The following NDUFAF2 variants were observed in gnomAD, a reference collection of about 807,000 sequenced individuals.
The protein encoded by NDUFAF2 is NADH dehydrogenase [ubiquinone] 1 alpha subcomplex assembly factor 2.
In NDUFAF2, 13 loss-of-function variants were observed where a neutral mutation model predicts 22.8. The observed-to-expected ratio is 0.57, with a 90% confidence interval of 0.37 to 0.91. The LOEUF is 0.91. Ranked by LOEUF, NDUFAF2 falls within the 40% of genes least tolerant of loss-of-function variation. The pLI is 0.01. For missense variants in NDUFAF2, 162 were observed against 195.2 expected (o/e 0.83, Z 1.01); for synonymous variants, 53 against 64.2 (o/e 0.83, Z 0.84).
At chr5:61,047,135 A>G (rs1751963557) in intron 1 of NDUFAF2, among the ~76,000 whole-genome samples, 1 of 151,848 alleles carries the variant, frequency 6.6e-6, no homozygotes, top group African/African-American at 2.4e-5. Context: ...TTCTGTGGTC[A>G]AAACCTGACT....
chr5:60,986,590 A>G (rs1264822208), intron 1 of NDUFAF2, among the ~76,000 whole-genome samples: 2 of 152,222 alleles, frequency 1.3e-5, no homozygotes, highest in East Asian at 3.9e-4. Flanking sequence ...AGCTAGCAGA[A>G]GACAAAAAAA....
At chr5:60,971,477 CAG>C (rs1750829059) in intron 1 of NDUFAF2, among the ~76,000 whole-genome samples, 1 of 151,816 alleles carries the variant, frequency 6.6e-6, no homozygotes, top group Non-Finnish European at 1.5e-5. Flanking sequence ...TTAGTAGAAA[CAG>C]GGTTTCACCG....
intron 1 of NDUFAF2, among the ~76,000 whole-genome samples, chr5:60,992,437 G>A (rs1751172983): frequency 6.6e-6 from 1 of 151,932 alleles, no homozygotes; most frequent in Admixed American, 6.6e-5. Flanking sequence ...CATAGCTTGA[G>A]GTTTAGATGT....
intron 3 of NDUFAF2, among the ~76,000 whole-genome samples, chr5:61,145,402 ATAAT>A (rs756522920): frequency 2.5e-4 from 38 of 152,232 alleles, no homozygotes; most frequent in Non-Finnish European, 3.8e-4. Flanking sequence ...ACAAACAATG[ATAAT>A]TTATATTAAA....
rs529146983 is a variant in NDUFAF2, at chr5:61,024,348, C to T, written c.128-48777C>T. ...CTAATAAATATTCAGTAAATGTTTT[C>T]TAAGTGAAAATAAGTCAAATGTTTA... On this transcript the variant is annotated intron_variant, in intron 1 of 3. Transcript: ENST00000296597. Among the ~76,000 whole-genome samples, 255 of 151,976 alleles carry T rather than the reference C, an allele frequency of 1.7e-3. 2 individuals are homozygous for T. The highest frequency in any genetic ancestry group is 6.0e-3 in the African/African-American group (247 of 41,470).
At chr5:61,011,287 C>T (rs1171547395) in intron 1 of NDUFAF2, among the ~76,000 whole-genome samples, 1 of 152,098 alleles carries the variant, frequency 6.6e-6, no homozygotes, top group African/African-American at 2.4e-5. Flanking sequence ...ACTCATGCCT[C>T]CAGCTTCCCT....
chr5:61,005,895 T>G (rs1391053624), intron 1 of NDUFAF2, among the ~76,000 whole-genome samples: 2 of 152,194 alleles, frequency 1.3e-5, no homozygotes, highest in African/African-American at 4.8e-5. Flanking sequence ...GTAGGTTGCC[T>G]GTTCACTCTG....
chr5:61,102,463 T>A (rs1752715337), intron 3 of NDUFAF2, among the ~76,000 whole-genome samples: 2 of 152,102 alleles, frequency 1.3e-5, no homozygotes, highest in Non-Finnish European at 2.9e-5. Context: ...TGGAATAACT[T>A]AATATCCATA....
At chr5:61,054,862 C>G (rs1752068117) in intron 1 of NDUFAF2, among the ~76,000 whole-genome samples, 1 of 152,116 alleles carries the variant, frequency 6.6e-6, no homozygotes, top group Non-Finnish European at 1.5e-5. Flanking sequence ...AAGTTTATGA[C>G]TGGAGCTCAT....
At chr5:61,150,259 T>C (rs756047594) in intron 3 of NDUFAF2, among the ~76,000 whole-genome samples, 4 of 152,168 alleles carry the variant, frequency 2.6e-5, no homozygotes, top group African/African-American at 9.7e-5. Flanking sequence ...TACAAGACCG[T>C]ATTTCCTTTC....
At chr5:60,956,588 A>G (rs903840839) in intron 1 of NDUFAF2, among the ~76,000 whole-genome samples, 2 of 152,166 alleles carry the variant, frequency 1.3e-5, no homozygotes, top group Non-Finnish European at 2.9e-5. Flanking sequence ...CGTTTCCTGC[A>G]TCTATTGAGA....
chr5:61,073,038 AG>A (rs1310836799), intron 1 of NDUFAF2, 86 bp from the exon 2 acceptor site: 1 of 820,402 alleles, frequency 1.2e-6, no homozygotes, highest in African/African-American at 1.7e-5. Flanking sequence ...TTACTATATA[AG>A]GGGTTATGCA....
chr5:60,958,907 G>A (rs988898960), intron 1 of NDUFAF2, among the ~76,000 whole-genome samples: 1 of 152,034 alleles, frequency 6.6e-6, no homozygotes, highest in African/African-American at 2.4e-5. Flanking sequence ...ATTTGGTTTA[G>A]TCAGTGTCCT....
At chr5:60,976,672 C>G (rs966663532) in intron 1 of NDUFAF2, among the ~76,000 whole-genome samples, 3 of 152,302 alleles carry the variant, frequency 2.0e-5, no homozygotes, top group African/African-American at 7.2e-5. Flanking sequence ...ATTTTCTTGT[C>G]ATTTTACCTC....
At chr5:60,963,712 A>C (rs1263470078) in intron 1 of NDUFAF2, among the ~76,000 whole-genome samples, 1 of 152,238 alleles carries the variant, frequency 6.6e-6, no homozygotes, top group African/African-American at 2.4e-5. Flanking sequence ...TTGAAGCTGA[A>C]GGAATCAGAT....
Position 60,969,881 on chromosome 5 carries a change from A to G in NDUFAF2, c.127+24499A>G, listed in dbSNP as rs371592936. On this transcript the variant is annotated intron_variant, in intron 1 of 3. Coordinates refer to ENST00000296597, the MANE Select transcript of NDUFAF2 (RefSeq NM_174889.5). ...GGTTGTAGATTTAAGTCTTTAGTCC[A>G]TTTTGATTTGATTTTTGTATATATT... Among the ~76,000 whole-genome samples, 240 of 152,202 alleles carry G rather than the reference A, an allele frequency of 1.6e-3. 1 individual carries two copies. Among genetic ancestry groups the G allele is most frequent in the African/African-American group, 5.5e-3 (229 of 41,528 alleles).
intron 2 of NDUFAF2, among the ~76,000 whole-genome samples, chr5:61,082,534 G>A (rs887210481): frequency 5.9e-5 from 9 of 152,028 alleles, no homozygotes; most frequent in African/African-American, 1.9e-4. Flanking sequence ...TAGTGAACAT[G>A]GTACCCTCCC....
intron 1 of NDUFAF2, among the ~76,000 whole-genome samples, chr5:60,961,883 C>G: frequency 6.6e-6 from 1 of 151,524 alleles, no homozygotes; most frequent in South Asian, 2.1e-4. Context: ...ATCGCTTGAG[C>G]TCAGGAGTTT....
At chr5:61,114,886 C>G (rs892750906) in intron 3 of NDUFAF2, 1 of 152,210 alleles carries the variant, frequency 6.6e-6, no homozygotes, top group Non-Finnish European at 1.5e-5. Flanking sequence ...CCCTTACTTT[C>G]TCTCAAACAG....
Sources: gnomAD v4.1 joint callset for allele counts (sites outside exome capture counted in the v4.1 genomes callset) on GRCh38, gnomAD v4.1.1 for gene constraint, MANE v1.5 for transcripts, NCBI Gene and HGNC (gene_info 2026-07-23, HGNC 2026-07-21) for gene names.